ALDH1L1: variants seen among roughly 807,000 people sequenced by gnomAD.
The protein encoded by ALDH1L1 is cytosolic 10-formyltetrahydrofolate dehydrogenase.
Under a neutral mutation model 101.1 loss-of-function variants are expected in ALDH1L1, and 68 were observed. That is an observed-to-expected ratio of 0.67 (90% CI 0.55 to 0.82). The LOEUF is 0.82. ALDH1L1 is among the 40% of genes least tolerant of loss of function. The probability of loss-of-function intolerance (pLI) is 0.00; values close to 1 mark genes in which losing one functional copy is unlikely to be tolerated. For missense variants in ALDH1L1, 1,087 were observed against 1,172.7 expected, an observed-to-expected ratio of 0.93 and a Z score of 1.07; for synonymous variants, 486 against 470.8, an observed-to-expected ratio of 1.03 and a Z score of -0.42.
At chr3:126,155,647 A>T (rs2080890029) in intron 4 of ALDH1L1, 144 bp from the exon 5 acceptor site, 1 of 605,572 alleles carries the variant, frequency 1.7e-6, no homozygotes, top group Non-Finnish European at 2.8e-6. Context: ...CACCTGCCAT[A>T]TGAACAAGGG....
At chr3:126,125,305 C>T (rs772948032) in intron 15 of ALDH1L1, among the ~76,000 whole-genome samples, 6 of 152,220 alleles carry the variant, frequency 3.9e-5, no homozygotes, top group Non-Finnish European at 7.3e-5. Context: ...GAGCATGGGG[C>T]CTGGTTTCTG....
chr3:126,136,854 G>A lies in ALDH1L1; in HGVS notation c.1254C>T (p.Val418=), dbSNP rs762061108. 1 of 1,612,872 alleles carries A rather than the reference G, an allele frequency of 6.2e-7. No homozygotes were observed. Residue 418 remains valine, a synonymous_variant, in exon 11 of 23, where the codon GTC becomes GTT. Transcript: ENST00000393434. ...YVEMAVNKRT[V]RMPHQLFIGG... is the part of the protein sequence containing the mutation. ...CAATGAAGAGCTGGTGGGGCATGCGGACAGTGCGCTTGTTCACTGCCATTT... is the reference window on the plus strand; with the variant it reads ...CAATGAAGAGCTGGTGGGGCATGCGAACAGTGCGCTTGTTCACTGCCATTT...
At chr3:126,105,983 A>C (rs1945856028) in intron 21 of ALDH1L1, 58 bp from the exon 22 acceptor site, 2 of 1,546,462 alleles carry the variant, frequency 1.3e-6, no homozygotes, top group Admixed American at 3.5e-5. Context: ...AGCCTGGCCC[A>C]CTCCACACCC....
intron 16 of ALDH1L1, among the ~76,000 whole-genome samples, chr3:126,118,879 G>A (rs925218356): frequency 2.6e-5 from 4 of 151,870 alleles, no homozygotes; most frequent in African/African-American, 7.3e-5. Flanking sequence ...CCCCTACTCC[G>A]AGCCACGCCC....
intron 17 of ALDH1L1, among the ~76,000 whole-genome samples, chr3:126,116,402 T>C (rs2079972851): frequency 6.6e-6 from 1 of 152,052 alleles, no homozygotes; most frequent in African/African-American, 2.4e-5. Context: ...TGCCTGGTTA[T>C]AGCATGAACT....
At chr3:126,184,832 G>A (rs2081503712), upstream of ALDH1L1, among the ~76,000 whole-genome samples, 1 of 152,182 alleles carries the variant, frequency 6.6e-6, no homozygotes, top group Non-Finnish European at 1.5e-5. Context: ...CATAGCCTGT[G>A]GGAAATCAAA....
intron 1 of ALDH1L1, among the ~76,000 whole-genome samples, chr3:126,192,788 T>C (rs2081560154): frequency 6.6e-6 from 1 of 152,192 alleles, no homozygotes; most frequent in Non-Finnish European, 1.5e-5. Flanking sequence ...AAAGAAAAAC[T>C]TCAGCTGAAT....
At chr3:126,117,731 A>G (rs994727803) in intron 17 of ALDH1L1, among the ~76,000 whole-genome samples, 39 of 151,930 alleles carry the variant, frequency 2.6e-4, no homozygotes, top group African/African-American at 8.9e-4. Context: ...GTGGGTGCTC[A>G]GTTCTTGAAA....
intron 1 of ALDH1L1, among the ~76,000 whole-genome samples, chr3:126,161,466 G>T (rs540646490): frequency 1.3e-5 from 2 of 152,238 alleles, no homozygotes; most frequent in Non-Finnish European, 1.5e-5. Flanking sequence ...CACAAAAGGA[G>T]CAAGGGGAGT....
intron 12 of ALDH1L1, among the ~76,000 whole-genome samples, chr3:126,132,068 G>A (rs746779929): frequency 6.6e-6 from 1 of 152,252 alleles, no homozygotes; most frequent in Non-Finnish European, 1.5e-5. Flanking sequence ...GGGCTGACGC[G>A]TTTACACAGA....
intron 1 of ALDH1L1, among the ~76,000 whole-genome samples, chr3:126,173,260 T>C (rs1488874676): frequency 6.6e-6 from 1 of 152,200 alleles, no homozygotes; most frequent in Non-Finnish European, 1.5e-5. Context: ...TCAGTGATTG[T>C]AGCTTATGGA....
chr3:126,123,675 C>G (rs909853068), intron 16 of ALDH1L1, among the ~76,000 whole-genome samples: 1 of 144,850 alleles, frequency 6.9e-6, no homozygotes, highest in Non-Finnish European at 1.5e-5. Context: ...GGAGAACACA[C>G]AAGGGAATAA....
chr3:126,139,638 A>C (rs1584328), intron 9 of ALDH1L1, among the ~76,000 whole-genome samples: 34,253 of 152,148 alleles, frequency 0.23, 4,740 homozygotes, highest in African/African-American at 0.39. Context: ...GTTCAATGAG[A>C]CAAAGGAAAT....
At chr3:126,160,445 G>A (rs868537543) in intron 2 of ALDH1L1, 164 of 175,178 alleles carry the variant, frequency 9.4e-4, no homozygotes, top group African/African-American at 3.3e-3. Flanking sequence ...TGGGTAAGTA[G>A]AGCACTATGT....
upstream of ALDH1L1, chr3:126,180,785 G>T: frequency 1.3e-6 from 2 of 1,486,134 alleles, no homozygotes; most frequent in Non-Finnish European, 1.8e-6. Context: ...TCCCGCTTAG[G>T]TCAAGAAGAC....
chr3:126,151,594 A>G (rs1406338287), intron 7 of ALDH1L1: 1 of 152,242 alleles, frequency 6.6e-6, no homozygotes, highest in African/African-American at 2.4e-5. Flanking sequence ...CACATGTACA[A>G]AAAGAGTTAT....
intron 9 of ALDH1L1, among the ~76,000 whole-genome samples, chr3:126,146,321 C>T (rs2080678499): frequency 6.6e-6 from 1 of 152,192 alleles, no homozygotes; most frequent in African/African-American, 2.4e-5. Flanking sequence ...AACCCACCAC[C>T]ACCACAGGAC....
upstream of ALDH1L1, among the ~76,000 whole-genome samples, chr3:126,185,346 G>T (rs902931551): frequency 1.6e-4 from 25 of 152,250 alleles, no homozygotes; most frequent in African/African-American, 6.0e-4. Context: ...CAAAGAGGAG[G>T]CAGGGACGGT....
chr3:126,114,828 G>A, intron 17 of ALDH1L1, 172 bp from the exon 18 acceptor site: 1 of 575,866 alleles, frequency 1.7e-6, no homozygotes, highest in Non-Finnish European at 3.1e-6. Context: ...ACGGCCACCT[G>A]CCTTTCCTTT....
Sources: allele counts gnomAD v4.1 joint callset (sites outside exome capture counted in the v4.1 genomes callset), GRCh38; gene constraint gnomAD v4.1.1; transcripts MANE v1.5; gene names NCBI Gene and HGNC (gene_info 2026-07-23, HGNC 2026-07-21).